The following AGBL1 variants were observed in gnomAD, a reference collection of about 807,000 sequenced individuals.
The protein encoded by AGBL1 is AGBL carboxypeptidase 1, also known as cytosolic carboxypeptidase 4.
AGBL1 carries 130 observed loss-of-function variants against 118.9 expected under a neutral mutation model. The ratio of observed to expected loss-of-function variants is 1.09; its 90% CI spans 0.95 to 1.26. The LOEUF (loss-of-function observed/expected upper bound fraction) is 1.26. AGBL1 is among the 50% of genes most tolerant of loss of function. AGBL1 has a pLI of 0.00. For missense variants in AGBL1, 1,584 were observed against 1,298.1 expected (o/e 1.22, Z -3.38); for synonymous variants, 555 against 478.9 (o/e 1.16, Z -2.08).
chr15:86,404,467 C>G (rs2081495073), intron 18 of AGBL1, among the ~76,000 whole-genome samples: 1 of 152,128 alleles, frequency 6.6e-6, no homozygotes, highest in African/African-American at 2.4e-5. Flanking sequence ...CTGGGCCAGG[C>G]CTTTTCCTTC....
At chr15:86,860,383 G>A (rs947169900) in intron 22 of AGBL1, among the ~76,000 whole-genome samples, 8 of 151,126 alleles carry the variant, frequency 5.3e-5, no homozygotes, top group Admixed American at 5.3e-4. Flanking sequence ...TCAGAAATTT[G>A]CTTTTTCTCT....
intron 17 of AGBL1, among the ~76,000 whole-genome samples, chr15:86,373,139 C>A (rs1253567985): frequency 6.6e-6 from 1 of 152,192 alleles, no homozygotes; most frequent in Admixed American, 6.5e-5. Flanking sequence ...AAATATACCT[C>A]ATTGACCCTC....
At chr15:86,099,237 C>T (rs1464009292) in intron 1 of AGBL1, among the ~76,000 whole-genome samples, 1 of 152,028 alleles carries the variant, frequency 6.6e-6, no homozygotes, top group African/African-American at 2.4e-5. Context: ...AAAATCAGAA[C>T]AGAGATAAAT....
chr15:86,700,488 CACACACACACACACACACACACAA>C lies in AGBL1; in HGVS notation c.3158+26054_3158+26077del, dbSNP rs976386085. Reference sequence around the variant, plus strand: ...ACTAATACACACACACACACACACACACACACACACACACACACACACAAAATCTCTCTTGAAGTGGTCTTTCTC... The same window carrying C: ...ACTAATACACACACACACACACACACAATCTCTCTTGAAGTGGTCTTTCTC... On this transcript the variant is annotated intron_variant, in intron 22 of 22. Transcript: ENST00000614907. Among the ~76,000 whole-genome samples, 4 of 118,070 alleles carry C rather than the reference CACACACACACACACACACACACAA, an allele frequency of 3.4e-5. No individual in the cohort carries two copies. The Admixed American group carries it at 3.8e-4, about 11-fold the overall frequency. 77.5% of individuals were successfully genotyped at this position (118,070 alleles called of 152,430 possible).
chr15:86,624,804 G>A (rs1215952484), intron 21 of AGBL1, among the ~76,000 whole-genome samples: 3 of 152,128 alleles, frequency 2.0e-5, no homozygotes, highest in Admixed American at 6.6e-5. Flanking sequence ...GGGAGACAAG[G>A]TCTGAAAGGT....
At chr15:86,455,429 T>G (rs942295675) in intron 18 of AGBL1, among the ~76,000 whole-genome samples, 1 of 152,170 alleles carries the variant, frequency 6.6e-6, no homozygotes, top group Non-Finnish European at 1.5e-5. Context: ...TAAATTAAAA[T>G]TCAATTTAAT....
intron 18 of AGBL1, among the ~76,000 whole-genome samples, chr15:86,409,879 C>A (rs1422023676): frequency 6.6e-6 from 1 of 152,036 alleles, no homozygotes; most frequent in Non-Finnish European, 1.5e-5. Flanking sequence ...CTCCTCTGAT[C>A]CTCCTATAGG....
intron 24 of AGBL1, among the ~76,000 whole-genome samples, chr15:86,998,609 G>C (rs1596722801): frequency 6.6e-6 from 1 of 152,136 alleles, no homozygotes; most frequent in Non-Finnish European, 1.5e-5. Flanking sequence ...CAATAAGTTT[G>C]TTAATTTGTT....
At chr15:86,257,149 G>C (rs1462677086) in intron 8 of AGBL1, 131 bp downstream of exon 8, 2 of 1,041,356 alleles carry the variant, frequency 1.9e-6, no homozygotes, top group Non-Finnish European at 1.3e-6. Flanking sequence ...GCTAATTAGA[G>C]ACATATATGA....
chr15:86,844,737 T>A (rs1268239733), intron 22 of AGBL1, among the ~76,000 whole-genome samples: 1 of 152,184 alleles, frequency 6.6e-6, no homozygotes, highest in Non-Finnish European at 1.5e-5. Context: ...ACAATTTTAA[T>A]CTTATATATC....
chr15:86,690,708 T>C (rs988732274), intron 22 of AGBL1, among the ~76,000 whole-genome samples: 3 of 152,160 alleles, frequency 2.0e-5, no homozygotes, highest in African/African-American at 7.2e-5. Flanking sequence ...CACTGAATTA[T>C]GGGGATCTTA....
chr15:86,901,134 C>T (rs140974779), intron 22 of AGBL1, among the ~76,000 whole-genome samples: 23 of 152,158 alleles, frequency 1.5e-4, no homozygotes, highest in African/African-American at 4.3e-4. Flanking sequence ...AATGACCATT[C>T]GATGGTTTTC....
intron 22 of AGBL1, among the ~76,000 whole-genome samples, chr15:86,775,946 A>C (rs2078249687): frequency 6.6e-6 from 1 of 152,144 alleles, no homozygotes; most frequent in South Asian, 2.1e-4. Context: ...TGAAGTTGAT[A>C]AATAGCATCC....
At position 86,397,436 on chromosome 15, in the gene AGBL1, G is replaced by T. The variant is rs757846296; in HGVS notation, c.2445G>T (p.Lys815Asn). Residue 815 changes from lysine (K) to asparagine (N), a missense_variant, in exon 18 of 23, where the codon AAG (lysine) becomes AAT (asparagine). Physicochemically the swap from Lys to Asn is moderately conservative, Grantham distance 94 (BLOSUM62 0). Transcript: ENST00000614907. ...AGAGCAATGCCAGTTGGGTGATGAA[G>T]GGTACCTTGGAGTTCCTGGTCAGCA... ...PGESNASWVM[K>N]GTLEFLVSSD... 6.2e-7 allele frequency: 1 copy of T among 1,613,116 alleles called. No individual in the cohort carries two copies. Among genetic ancestry groups the T allele is most frequent in the Non-Finnish European group, 8.5e-7 (1 of 1,179,382 alleles).
At chr15:86,695,309 G>C (rs2086237637) in intron 22 of AGBL1, among the ~76,000 whole-genome samples, 1 of 152,018 alleles carries the variant, frequency 6.6e-6, no homozygotes, top group Admixed American at 6.6e-5. Context: ...AATTCTTCCT[G>C]ATTTAAACTG....
chr15:86,395,726 C>T (rs2081351239), intron 17 of AGBL1, among the ~76,000 whole-genome samples: 1 of 152,014 alleles, frequency 6.6e-6, no homozygotes, highest in Non-Finnish European at 1.5e-5. Context: ...TAAATCTAGA[C>T]CTCAGTGGAT....
intron 5 of AGBL1, among the ~76,000 whole-genome samples, chr15:86,194,874 GAT>G (rs1265464301): frequency 6.6e-6 from 1 of 152,142 alleles, no homozygotes; most frequent in African/African-American, 2.4e-5. Context: ...TGTAAGGAAA[GAT>G]ATATATTTCT....
chr15:86,714,032 G>A (rs1038940831), intron 22 of AGBL1, among the ~76,000 whole-genome samples: 1 of 152,192 alleles, frequency 6.6e-6, no homozygotes, highest in Non-Finnish European at 1.5e-5. Flanking sequence ...TGTGTCGATA[G>A]CTGAACTTTT....
chr15:87,017,564 C>A (rs1401462109), intron 24 of AGBL1, among the ~76,000 whole-genome samples: 1 of 152,154 alleles, frequency 6.6e-6, no homozygotes. Flanking sequence ...AATAGCTTGA[C>A]TGTTAAAAGT....
Sources: allele counts gnomAD v4.1 joint callset (sites outside exome capture counted in the v4.1 genomes callset), GRCh38; gene constraint gnomAD v4.1.1; transcripts MANE v1.5; gene names NCBI Gene and HGNC (gene_info 2026-07-23, HGNC 2026-07-21).